GABRB2: variants seen among roughly 807,000 people sequenced by gnomAD.
GABRB2 encodes the protein gamma-aminobutyric acid receptor subunit beta-2.
In GABRB2, 16 loss-of-function variants were observed where a neutral mutation model predicts 54.7. The observed-to-expected ratio is 0.29, with a 90% confidence interval of 0.20 to 0.44. GABRB2 has a LOEUF of 0.44. GABRB2 is among the 20% of genes least tolerant of loss of function. GABRB2 has a pLI of 1.00. For synonymous variants in GABRB2, 244 were observed against 233.8 expected, an observed-to-expected ratio of 1.04 and a Z score of -0.40; for missense variants, 355 against 644.0, an observed-to-expected ratio of 0.55 and a Z score of 4.86.
intron 5 of GABRB2, among the ~76,000 whole-genome samples, chr5:161,366,873 G>A (rs1754987831): frequency 6.6e-6 from 1 of 152,066 alleles, no homozygotes; most frequent in East Asian, 1.9e-4. Context: ...GCTTGAACCT[G>A]GAAGGCAAAG....
chr5:161,367,716 C>G (rs1755010752), intron 5 of GABRB2, among the ~76,000 whole-genome samples: 1 of 151,834 alleles, frequency 6.6e-6, no homozygotes, highest in South Asian at 2.1e-4. Flanking sequence ...TAAAACACGG[C>G]AAAAAAATGT....
chr5:161,334,669 T>C, intron 7 of GABRB2, 83 bp downstream of exon 7: 1 of 1,444,086 alleles, frequency 6.9e-7, no homozygotes, highest in Admixed American at 1.9e-5. Flanking sequence ...ACCACAAATT[T>C]CAGGATAAGG....
chr5:161,452,257 G>A (rs188722229), intron 4 of GABRB2, among the ~76,000 whole-genome samples: 26 of 152,222 alleles, frequency 1.7e-4, no homozygotes, highest in Non-Finnish European at 2.2e-4. Flanking sequence ...CGTTTTATGC[G>A]TAATGAGATG....
At chr5:161,488,068 G>A (rs779292509) in intron 3 of GABRB2, among the ~76,000 whole-genome samples, 3 of 151,754 alleles carry the variant, frequency 2.0e-5, no homozygotes, top group Admixed American at 6.6e-5. Context: ...TCAGGTGAAT[G>A]GGATAAACAA....
At chr5:161,529,255 T>C (rs997018540) in intron 3 of GABRB2, among the ~76,000 whole-genome samples, 8 of 152,038 alleles carry the variant, frequency 5.3e-5, no homozygotes. Context: ...ACTTCTACAA[T>C]AGTACAGATT....
At chr5:161,468,096 G>A (rs1325802509) in intron 3 of GABRB2, among the ~76,000 whole-genome samples, 2 of 151,938 alleles carry the variant, frequency 1.3e-5, no homozygotes, top group Non-Finnish European at 2.9e-5. Context: ...CTAGTTTAAG[G>A]CACTATTATT....
chr5:161,502,747 A>G (rs1759490443), intron 3 of GABRB2, among the ~76,000 whole-genome samples: 1 of 152,218 alleles, frequency 6.6e-6, no homozygotes. Flanking sequence ...CTAGGAAGAA[A>G]AAAGATTAAG....
chr5:161,359,085 G>A (rs1754725965), intron 5 of GABRB2, among the ~76,000 whole-genome samples: 4 of 152,122 alleles, frequency 2.6e-5, no homozygotes, highest in Admixed American at 2.6e-4. Flanking sequence ...AAAATCTAGG[G>A]CACCATTATG....
intron 4 of GABRB2, among the ~76,000 whole-genome samples, chr5:161,451,998 T>C (rs1298900468): frequency 1.2e-4 from 18 of 152,154 alleles, no homozygotes; most frequent in Non-Finnish European, 7.4e-5. Flanking sequence ...TGAAGAGTTT[T>C]CAATGTGATT....
intron 5 of GABRB2, among the ~76,000 whole-genome samples, chr5:161,385,505 AC>A (rs1296794220): frequency 1.3e-5 from 2 of 152,134 alleles, no homozygotes; most frequent in Non-Finnish European, 2.9e-5. Flanking sequence ...GTGGGTGGAG[AC>A]AAAAGACTCT....
At chr5:161,503,023 T>C (rs1048201156) in intron 3 of GABRB2, among the ~76,000 whole-genome samples, 8 of 151,936 alleles carry the variant, frequency 5.3e-5, no homozygotes, top group African/African-American at 1.9e-4. Flanking sequence ...AGACAGAAGA[T>C]GAAAAACATT....
At chr5:161,410,940 G>C (rs752602002) in intron 5 of GABRB2, 35 bp downstream of exon 5, 1 of 1,536,010 alleles carries the variant, frequency 6.5e-7, no homozygotes, top group Non-Finnish European at 9.0e-7. Context: ...CCTTAAAGCA[G>C]AGTCCAGTCT....
chr5:161,510,367 C>T (rs1465650803), intron 3 of GABRB2, among the ~76,000 whole-genome samples: 15 of 151,634 alleles, frequency 9.9e-5, no homozygotes, highest in African/African-American at 3.4e-4. Context: ...TGTCTTTCTA[C>T]GCCTGGCTTA....
chr5:161,326,736 G>A (rs1276486987), intron 8 of GABRB2, among the ~76,000 whole-genome samples: 1 of 151,930 alleles, frequency 6.6e-6, no homozygotes, highest in Non-Finnish European at 1.5e-5. Context: ...TACACACAAT[G>A]GATAAAGACA....
chr5:161,338,769 G>A (rs1188942303), intron 5 of GABRB2, among the ~76,000 whole-genome samples: 2 of 152,098 alleles, frequency 1.3e-5, no homozygotes, highest in Non-Finnish European at 2.9e-5. Context: ...CTGGGTGACA[G>A]AGCTAGACTC....
At chr5:161,453,457 G>C (rs1331829067) in intron 4 of GABRB2, among the ~76,000 whole-genome samples, 1 of 152,112 alleles carries the variant, frequency 6.6e-6, no homozygotes, top group African/African-American at 2.4e-5. Flanking sequence ...TGGGATTAGT[G>C]CCCATAGTTT....
chr5:161,294,233 T>G lies in GABRB2; in HGVS notation c.1387A>C (p.Lys463Gln). 6.2e-7 allele frequency: 1 copy of G among 1,614,134 alleles called. No individual in the cohort carries two copies. Among genetic ancestry groups the G allele is most frequent in the Non-Finnish European group, 8.5e-7 (1 of 1,180,002 alleles). ...RNALERHVAQKKSRLRRRASQ... is the reference protein window; with the variant it reads ...RNALERHVAQQKSRLRRRASQ... ...GCGCGTCTCCTCAGGCGACTTTTCTTTTGCGCCACATGTCGTTCCAGAGCA... is the reference window on the plus strand; with the variant it reads ...GCGCGTCTCCTCAGGCGACTTTTCTGTTGCGCCACATGTCGTTCCAGAGCA... Residue 463 changes from lysine (K) to glutamine (Q), a missense_variant, in exon 10 of 10, where the codon AAG (lysine) becomes CAG (glutamine). Physicochemically the swap from Lys to Gln is moderately conservative, Grantham distance 53. Coordinates refer to ENST00000393959, the MANE Select transcript of GABRB2 (RefSeq NM_001371727.1).
At chr5:161,536,508 T>C (rs375988037) in intron 3 of GABRB2, among the ~76,000 whole-genome samples, 2 of 152,184 alleles carry the variant, frequency 1.3e-5, no homozygotes, top group African/African-American at 4.8e-5. Context: ...GTTTAGTATG[T>C]TCACAGAGAA....
chr5:161,435,102 T>C (rs960590112), intron 4 of GABRB2, among the ~76,000 whole-genome samples: 6 of 152,208 alleles, frequency 3.9e-5, no homozygotes, highest in Non-Finnish European at 8.8e-5. Flanking sequence ...ATTTTTTCTC[T>C]CTTCTTAAAA....
Sources: gnomAD v4.1 joint callset for allele counts (sites outside exome capture counted in the v4.1 genomes callset) on GRCh38, gnomAD v4.1.1 for gene constraint, MANE v1.5 for transcripts, NCBI Gene and HGNC (gene_info 2026-07-23, HGNC 2026-07-21) for gene names.